The following PUS10 variants were observed in gnomAD, a reference collection of about 807,000 sequenced individuals.
PUS10 encodes tRNA pseudouridine synthase Pus10.
A neutral mutation model predicts 75.0 loss-of-function variants in PUS10; 59 were observed. The observed-to-expected ratio is 0.79, with a 90% CI of 0.64 to 0.98. The LOEUF (loss-of-function observed/expected upper bound fraction) is 0.98, where lower values mean the gene tolerates loss of function less well. PUS10 is among the 50% of genes least tolerant of loss of function. The probability of loss-of-function intolerance (pLI) is 0.00; values close to 1 mark genes in which losing one functional copy is unlikely to be tolerated. For missense variants in PUS10, 650 were observed against 614.4 expected, an observed-to-expected ratio of 1.06 and a Z score of -0.61; for synonymous variants, 219 against 211.6, an observed-to-expected ratio of 1.03 and a Z score of -0.30.
At chr2:60,959,402 A>AT (rs1461270398) in intron 11 of PUS10, among the ~76,000 whole-genome samples, 2 of 152,018 alleles carry the variant, frequency 1.3e-5, no homozygotes, top group Non-Finnish European at 2.9e-5. Flanking sequence ...TTTATTTTTT[A>AT]TTTTTTTAGG....
At chr2:61,001,882 C>G (rs1322678646) in intron 4 of PUS10, among the ~76,000 whole-genome samples, 1 of 152,070 alleles carries the variant, frequency 6.6e-6, no homozygotes, top group African/African-American at 2.4e-5. Flanking sequence ...GCTCTCAATC[C>G]TTTTAATTTA....
At chr2:60,963,448 A>T (rs1054758496) in intron 8 of PUS10, among the ~76,000 whole-genome samples, 1 of 152,246 alleles carries the variant, frequency 6.6e-6, no homozygotes, top group African/African-American at 2.4e-5. Context: ...ACAGAAGGGC[A>T]TCTACAACAA....
chr2:60,967,619 T>A lies in PUS10; in HGVS notation c.504-6A>T, dbSNP rs905463429. 6 of 1,572,004 alleles carry A rather than the reference T, an allele frequency of 3.8e-6. No homozygotes were observed. Among genetic ancestry groups the A allele is most frequent in the Non-Finnish European group, 5.2e-6 (6 of 1,158,080 alleles). ...CCAGCGACAGACTCTGCTTTCTGAA[T>A]AACATAAAAATTAATTCACTGACAT... is the stretch of plus-strand genomic sequence containing the variant. On this transcript the variant is annotated splice_region_variant and splice_polypyrimidine_tract_variant and intron_variant, in intron 5 of 17. Transcript: ENST00000316752.
chr2:60,940,452 T>C lies in PUS10; in HGVS notation c.*1943A>G, dbSNP rs1424975681. On this transcript the variant is annotated 3_prime_UTR_variant, in exon 18 of 18. Transcript: ENST00000316752. ...TTTTATGTAGGCAAAAGGGAAACTATAGTACTCTCACTACTTAATATTTCC... is the reference window on the plus strand; with the variant it reads ...TTTTATGTAGGCAAAAGGGAAACTACAGTACTCTCACTACTTAATATTTCC... 2 of 152,352 alleles carry C rather than the reference T, an allele frequency of 1.3e-5. No homozygotes were observed. The highest frequency in any genetic ancestry group is 6.5e-5 in the Admixed American group (1 of 15,276). 9.4% of individuals were successfully genotyped at this position (152,352 alleles called of 1,614,324 possible).
intron 4 of PUS10, among the ~76,000 whole-genome samples, chr2:61,000,883 G>GCC (rs1678808484): frequency 6.6e-6 from 1 of 152,120 alleles, no homozygotes. Flanking sequence ...TGGGTTAAAA[G>GCC]CCCTCAAAAA....
At chr2:60,970,429 G>A (rs917182059) in intron 5 of PUS10, among the ~76,000 whole-genome samples, 5 of 152,098 alleles carry the variant, frequency 3.3e-5, no homozygotes, top group Admixed American at 6.5e-5. Flanking sequence ...AGAGTACATA[G>A]GTACTGCCAA....
In PUS10 at chr2:60,940,339, C is replaced by T. The variant is rs1030502480; in HGVS notation, c.*2056G>A. 2 of 152,214 alleles carry T rather than the reference C, an allele frequency of 1.3e-5. No homozygotes were observed. Among genetic ancestry groups the T allele is most frequent in the African/African-American group, 4.8e-5 (2 of 41,432 alleles). 9.4% of individuals were successfully genotyped at this position (152,214 alleles called of 1,614,324 possible). On this transcript the variant is annotated 3_prime_UTR_variant, in exon 18 of 18. Coordinates refer to ENST00000316752, the MANE Select transcript of PUS10 (RefSeq NM_144709.4). ...ACTATATAAGAGATACTAAGAAGTA[C>T]AAAGGGCTCTTTCTCTTAAGTGTTA...
At chr2:60,971,179 C>CAAA (rs1458803477) in intron 5 of PUS10, among the ~76,000 whole-genome samples, 1 of 127,616 alleles carries the variant, frequency 7.8e-6, no homozygotes, top group Admixed American at 8.1e-5. Flanking sequence ...GACTCCACCT[C>CAAA]AAAAAAAAAA....
chr2:60,964,030 C>T (rs1676189258), intron 8 of PUS10, among the ~76,000 whole-genome samples: 1 of 152,216 alleles, frequency 6.6e-6, no homozygotes, highest in African/African-American at 2.4e-5. Context: ...AGATGTTGAT[C>T]TCTTTAGTTC....
chr2:60,998,376 T>C (rs1179859247), intron 4 of PUS10, among the ~76,000 whole-genome samples: 6 of 152,196 alleles, frequency 3.9e-5, no homozygotes, highest in Middle Eastern at 3.2e-3. Flanking sequence ...GCCATTTGAA[T>C]ATCCATTTTC....
chr2:60,988,047 C>G (rs546822485), intron 4 of PUS10, among the ~76,000 whole-genome samples: 1 of 152,006 alleles, frequency 6.6e-6, no homozygotes, highest in Non-Finnish European at 1.5e-5. Flanking sequence ...TGAGATCGTA[C>G]CACTGCACTC....
chr2:60,990,312 TA>T (rs1332704882), intron 4 of PUS10, among the ~76,000 whole-genome samples: 1 of 151,366 alleles, frequency 6.6e-6, no homozygotes. Flanking sequence ...GCTGGACAAC[TA>T]AAAAAAAATT....
intron 8 of PUS10, among the ~76,000 whole-genome samples, chr2:60,964,746 A>C (rs1676232688): frequency 6.6e-6 from 1 of 152,204 alleles, no homozygotes; most frequent in African/African-American, 2.4e-5. Context: ...TGAGGGATTA[A>C]AATCTAAACG....
In PUS10 at chr2:60,953,054, T is replaced by G. The variant is rs768731663; in HGVS notation, c.1251A>C (p.Leu417Phe). 2 of 1,609,378 alleles carry G rather than the reference T, an allele frequency of 1.2e-6. No homozygotes were observed. The highest frequency in any genetic ancestry group is 1.7e-5 in the Admixed American group (1 of 60,020). ...EEEKTKTYSA[L>F]IWTNKAIQKK... Reference sequence around the variant, plus strand: ...TCTGTATCGCTTTATTTGTCCAAATTAAGGCACTGTAGGTCTTTGTCTTTT... The same window carrying G: ...TCTGTATCGCTTTATTTGTCCAAATGAAGGCACTGTAGGTCTTTGTCTTTT... The change falls in exon 15 of 18, where the codon TTA (leucine) becomes TTC (phenylalanine). Residue 417 changes from leucine (L) to phenylalanine (F), a missense_variant. Transcript: ENST00000316752.
intron 1 of PUS10, among the ~76,000 whole-genome samples, chr2:61,016,660 A>G (rs972458418): frequency 3.9e-5 from 6 of 152,092 alleles, no homozygotes; most frequent in African/African-American, 1.4e-4. Context: ...TCCCCAAATC[A>G]AGGATAACTA....
At chr2:60,962,804 T>G (rs1558896858) in intron 9 of PUS10, 22 bp downstream of exon 9, 3 of 1,577,340 alleles carry the variant, frequency 1.9e-6, no homozygotes, top group Non-Finnish European at 2.6e-6. Flanking sequence ...CGATGCTTCT[T>G]TGTTTCTAAA....
intron 1 of PUS10, among the ~76,000 whole-genome samples, chr2:61,015,516 G>A (rs1393288726): frequency 6.6e-6 from 1 of 152,038 alleles, no homozygotes; most frequent in South Asian, 2.1e-4. Flanking sequence ...TGGCTAACAC[G>A]ATGAAATCCC....
At chr2:61,015,770 T>C (rs907200003) in intron 1 of PUS10, among the ~76,000 whole-genome samples, 6 of 152,168 alleles carry the variant, frequency 3.9e-5, no homozygotes, top group Non-Finnish European at 8.8e-5. Context: ...TGGATCCCTT[T>C]TCCCAGCCCA....
chr2:60,983,762 C>CTAAA (rs967014628), intron 4 of PUS10, among the ~76,000 whole-genome samples: 1 of 151,362 alleles, frequency 6.6e-6, no homozygotes, highest in Non-Finnish European at 1.5e-5. Context: ...TATGATACAC[C>CTAAA]TAAATATACT....
Sources: gnomAD v4.1 joint callset for allele counts (sites outside exome capture counted in the v4.1 genomes callset) on GRCh38, gnomAD v4.1.1 for gene constraint, MANE v1.5 for transcripts, NCBI Gene and HGNC (gene_info 2026-07-23, HGNC 2026-07-21) for gene names.